ACTN2: variants seen among roughly 807,000 people sequenced by gnomAD.
ACTN2 encodes actinin alpha 2.
In ACTN2, 39 loss-of-function variants were observed where a neutral mutation model predicts 113.8. The ratio of observed to expected loss-of-function variants is 0.34; its 90% CI spans 0.27 to 0.45. ACTN2 has a LOEUF of 0.45. ACTN2 is among the 20% of genes least tolerant of loss of function. ACTN2 has a pLI of 1.00. For synonymous variants in ACTN2, 429 were observed against 444.1 expected, an observed-to-expected ratio of 0.97 and a Z score of 0.43; for missense variants, 992 against 1,177.9, an observed-to-expected ratio of 0.84 and a Z score of 2.31.
rs1425028543 is a variant in ACTN2, at chr1:236,742,998, G to A, written c.1210G>A (p.Glu404Lys). The A allele has an allele frequency of 3.7e-6, 6 of 1,614,042 alleles. No individual in the cohort carries two copies. Among genetic ancestry groups the A allele is most frequent in the Non-Finnish European group, 5.1e-6 (6 of 1,180,050 alleles). ...RRLERLEHLAEKFRQKASTHE... is the reference protein window; with the variant it reads ...RRLERLEHLAKKFRQKASTHE... ...ACTGGAGCGCTTGGAACACCTGGCTGAGAAGTTCAGGCAGAAGGCCTCAAC... is the reference window on the plus strand; with the variant it reads ...ACTGGAGCGCTTGGAACACCTGGCTAAGAAGTTCAGGCAGAAGGCCTCAAC... Residue 404 changes from glutamate (E) to lysine (K), a missense_variant, in exon 11 of 21, where the codon GAG becomes AAG. Physicochemically the swap from Glu to Lys is moderately conservative, Grantham distance 56. Coordinates refer to ENST00000366578, the MANE Select transcript of ACTN2 (RefSeq NM_001103.4).
intron 13 of ACTN2, chr1:236,748,031 T>G: frequency 2.2e-6 from 1 of 446,498 alleles, no homozygotes. Context: ...ACGGCATAAA[T>G]CTACTTTGTA....
chr1:236,735,660 T>C lies in ACTN2; in HGVS notation c.723T>C (p.Asp241=). 1.9e-6 allele frequency: 3 copies of C among 1,614,202 alleles called. No homozygotes were observed. The highest frequency in any genetic ancestry group is 2.5e-6 in the Non-Finnish European group (3 of 1,180,036). The change falls in exon 8 of 21, where the codon GAT becomes GAC. Residue 241 remains aspartate, a synonymous_variant. Coordinates refer to ENST00000366578, the MANE Select transcript of ACTN2 (RefSeq NM_001103.4). The part of the protein sequence containing the change: ...AEDIVNTPKP[D]ERAIMTYVSC... Reference sequence around the variant, plus strand: ...ACATCGTGAACACCCCTAAACCCGATGAAAGAGCCATCATGACGTACGTCT... The same window carrying C: ...ACATCGTGAACACCCCTAAACCCGACGAAAGAGCCATCATGACGTACGTCT...
At chr1:236,726,386 C>T (rs1350798312) in intron 5 of ACTN2, among the ~76,000 whole-genome samples, 1 of 152,098 alleles carries the variant, frequency 6.6e-6, no homozygotes, top group Non-Finnish European at 1.5e-5. Flanking sequence ...AGTCTGCGTA[C>T]CCCCCACTAG....
chr1:236,739,540 GC>G lies in ACTN2; in HGVS notation c.1107+9del, dbSNP rs772312831. 6.2e-7 allele frequency: 1 copy of G among 1,613,860 alleles called. No individual in the cohort carries two copies. Among genetic ancestry groups the G allele is most frequent in the Non-Finnish European group, 8.5e-7 (1 of 1,179,800 alleles). The stretch of plus-strand genomic sequence containing the variant: ...GAGGGCAAGATGGTGTCGGTGAGTA[GC>G]AAGCGCCAAGCCCTCCTGGCGCCAC... On this transcript the variant is annotated intron_variant, in intron 10 of 20. Transcript: ENST00000366578.
chr1:236,697,849 C>T (rs1466909396), intron 1 of ACTN2, among the ~76,000 whole-genome samples: 9 of 145,900 alleles, frequency 6.2e-5, no homozygotes, highest in Admixed American at 1.4e-4. Flanking sequence ...ATGCAACTTT[C>T]GCCTCCCAGG....
chr1:236,712,887 G>C (rs1023418396), intron 1 of ACTN2, among the ~76,000 whole-genome samples: 2 of 147,942 alleles, frequency 1.4e-5, no homozygotes, highest in Non-Finnish European at 3.0e-5. Flanking sequence ...TTTTATAAAT[G>C]TTTATCTCAT....
In ACTN2 at chr1:236,735,869, A is replaced by G. The variant is rs377403039; in HGVS notation, c.783+149A>G. 234 of 764,512 alleles carry G rather than the reference A, an allele frequency of 3.1e-4. No homozygotes were observed. The African/African-American group carries it at 3.5e-3, about 12-fold the overall frequency. The allele number at this position is 764,512 out of a possible 1,614,324, so 47.4% of individuals were successfully genotyped here. On this transcript the variant is annotated intron_variant, in intron 8 of 20. Coordinates refer to ENST00000366578, the MANE Select transcript of ACTN2 (RefSeq NM_001103.4). ...AATAACCTCATATGGCAAGTTCTAA[A>G]CTGTGAAAACTTTTTTTTAACAGCT...
chr1:236,732,786 G>A (rs1436212329), intron 7 of ACTN2, among the ~76,000 whole-genome samples: 1 of 151,974 alleles, frequency 6.6e-6, no homozygotes, highest in Non-Finnish European at 1.5e-5. Context: ...TTGCATTAAG[G>A]GCCCATCCTA....
At chr1:236,752,502 C>CG (rs2102940806) in intron 15 of ACTN2, among the ~76,000 whole-genome samples, 1 of 5,424 alleles carries the variant, frequency 1.8e-4, no homozygotes, top group Admixed American at 2.9e-3. Context: ...AGTTTTCTTG[C>CG]GGGGGTGGGG....
intron 4 of ACTN2, among the ~76,000 whole-genome samples, chr1:236,720,879 G>A (rs1223495431): frequency 6.8e-6 from 1 of 147,454 alleles, no homozygotes; most frequent in Admixed American, 7.0e-5. Context: ...ATGTGTTTCA[G>A]GGCTGCTGCA....
chr1:236,738,833 T>C lies in ACTN2; in HGVS notation c.877-469T>C, dbSNP rs191562654. Among the ~76,000 whole-genome samples the C allele has an allele frequency of 1.1e-3, 166 of 152,368 alleles. 1 individual carries two copies. The highest frequency in any genetic ancestry group is 3.9e-3 in the African/African-American group (163 of 41,596). On this transcript the variant is annotated intron_variant, in intron 9 of 20. Coordinates refer to ENST00000366578, the MANE Select transcript of ACTN2 (RefSeq NM_001103.4). ...CATTGAGTTAGGCCCAGGCTTACAA[T>C]ACAGTTGTGTAGTAAGTAATCTAAT... is the stretch of plus-strand genomic sequence containing the variant.
At position 236,692,468 on chromosome 1, in the gene ACTN2, C is replaced by T. The variant is rs148814407; in HGVS notation, c.126+5669C>T. Among the ~76,000 whole-genome samples, 227 of 152,206 alleles carry T rather than the reference C, an allele frequency of 1.5e-3. 1 individual carries two copies. The highest frequency in any genetic ancestry group is 5.3e-3 in the African/African-American group (220 of 41,528). On this transcript the variant is annotated intron_variant, in intron 1 of 20. Transcript: ENST00000366578. Reference sequence around the variant, plus strand: ...AGCCACCGTGCTGAGGTGGCAAATCCGGTGTCCATGTGGCCATTGCTGGGA... The same window carrying T: ...AGCCACCGTGCTGAGGTGGCAAATCTGGTGTCCATGTGGCCATTGCTGGGA...
chr1:236,713,633 T>C (rs1658121496), intron 1 of ACTN2, among the ~76,000 whole-genome samples: 2 of 151,510 alleles, frequency 1.3e-5, no homozygotes, highest in South Asian at 4.2e-4. Flanking sequence ...TGAAGGGATA[T>C]GCAAGAGACT....
chr1:236,753,096 C>T (rs1189383891), intron 15 of ACTN2, among the ~76,000 whole-genome samples: 3 of 152,156 alleles, frequency 2.0e-5, no homozygotes, highest in African/African-American at 7.2e-5. Context: ...GGTGTATACT[C>T]TTCTGTGGGC....
At chr1:236,693,537 T>C (rs537168600) in intron 1 of ACTN2, among the ~76,000 whole-genome samples, 1 of 152,210 alleles carries the variant, frequency 6.6e-6, no homozygotes, top group Admixed American at 6.5e-5. Context: ...TGAATGGAAA[T>C]GTCTTTCTTC....
At chr1:236,733,819 C>G (rs2102914231) in intron 7 of ACTN2, among the ~76,000 whole-genome samples, 1 of 152,268 alleles carries the variant, frequency 6.6e-6, no homozygotes, top group Non-Finnish European at 1.5e-5. Context: ...ACCTTAATTC[C>G]TGTCATTTGT....
intron 15 of ACTN2, among the ~76,000 whole-genome samples, chr1:236,752,989 G>T (rs1332653494): frequency 1.3e-5 from 2 of 152,306 alleles, no homozygotes; most frequent in South Asian, 2.1e-4. Context: ...CACAAAGAAA[G>T]ATTTTTGAAG....
intron 8 of ACTN2, chr1:236,736,789 A>T (rs905616810): frequency 1.5e-6 from 1 of 684,762 alleles, no homozygotes; most frequent in Non-Finnish European, 2.4e-6. Context: ...ACATTCAGGG[A>T]CCCAAGATCT....
At chr1:236,704,339 CCA>C (rs913848012) in intron 1 of ACTN2, among the ~76,000 whole-genome samples, 7 of 152,178 alleles carry the variant, frequency 4.6e-5, no homozygotes, top group Non-Finnish European at 1.0e-4. Context: ...TGGTCTCCTC[CCA>C]CTTTCCGCCA....
Sources: gnomAD v4.1 joint callset for allele counts (sites outside exome capture counted in the v4.1 genomes callset) on GRCh38, gnomAD v4.1.1 for gene constraint, MANE v1.5 for transcripts, NCBI Gene and HGNC (gene_info 2026-07-23, HGNC 2026-07-21) for gene names.